Variants in CCDC88A observed in about 807,000 individuals in gnomAD.
CCDC88A encodes the protein girdin.
Under a neutral mutation model 234.3 loss-of-function variants are expected in CCDC88A, and 54 were observed. The ratio of observed to expected loss-of-function variants is 0.23; its 90% CI spans 0.19 to 0.29. The LOEUF (loss-of-function observed/expected upper bound fraction) is 0.29, where lower values mean the gene tolerates loss of function less well. Ranked by LOEUF, CCDC88A falls within the 10% of genes least tolerant of loss-of-function variation. The probability of loss-of-function intolerance (pLI) is 1.00; values close to 1 mark genes in which losing one functional copy is unlikely to be tolerated. For missense variants in CCDC88A, 1,832 were observed against 2,123.4 expected, an observed-to-expected ratio of 0.86 and a Z score of 2.70; for synonymous variants, 753 against 737.8, an observed-to-expected ratio of 1.02 and a Z score of -0.33.
At chr2:55,402,261 G>T (rs1479806169) in intron 2 of CCDC88A, among the ~76,000 whole-genome samples, 3 of 152,040 alleles carry the variant, frequency 2.0e-5, no homozygotes, top group Non-Finnish European at 4.4e-5. Context: ...CATTTTAGTG[G>T]GAAATAACAT....
intron 2 of CCDC88A, among the ~76,000 whole-genome samples, chr2:55,411,608 G>A (rs919465987): frequency 1.3e-5 from 2 of 151,202 alleles, no homozygotes; most frequent in Non-Finnish European, 3.0e-5. Context: ...GTGAAATCCC[G>A]TCTCTACTAA....
At chr2:55,341,759 T>G (rs1311467093) in intron 12 of CCDC88A, among the ~76,000 whole-genome samples, 4 of 152,176 alleles carry the variant, frequency 2.6e-5, no homozygotes, top group Non-Finnish European at 5.9e-5. Flanking sequence ...TCATTCTTTT[T>G]ATGACTGACA....
chr2:55,412,943 C>T (rs561256712), intron 2 of CCDC88A, among the ~76,000 whole-genome samples: 5 of 152,328 alleles, frequency 3.3e-5, no homozygotes, highest in African/African-American at 1.2e-4. Context: ...TGGCTCATGC[C>T]TGTAATGCCA....
At position 55,295,951 on chromosome 2, in the gene CCDC88A, T is replaced by C. The variant is rs774116559; in HGVS notation, c.5197A>G (p.Arg1733Gly). The change falls in exon 31 of 33, where the codon AGG becomes GGG. Residue 1733 changes from arginine (R) to glycine (G), a missense_variant. By Grantham distance (125) the Arg-to-Gly change is moderately radical (BLOSUM62 -2). This residue lies in a region of CCDC88A where 422 missense variants were observed against 416.5 expected (regional missense o/e 1.01). Coordinates refer to ENST00000436346, the MANE Select transcript of CCDC88A (RefSeq NM_001365480.1). ...CCTGGGGTTTTTCCACTTACTGACC[T>C]GGCCAGACCACAGCTAACTGGTTTG... ...KDKPVSCGLA[R>G]SVSGKTPGDF... 2.5e-6 allele frequency: 4 copies of C among 1,614,134 alleles called. No individual in the cohort carries two copies. The Admixed American group carries it at 6.7e-5, about 27-fold the overall frequency.
chr2:55,350,700 C>G (rs1027398897), intron 8 of CCDC88A: 3 of 151,884 alleles, frequency 2.0e-5, no homozygotes, highest in African/African-American at 7.2e-5. Context: ...CACTCTGACG[C>G]CCAAGCTGGA....
chr2:55,341,133 TTTCTTTC>T (rs1668422437), intron 12 of CCDC88A, among the ~76,000 whole-genome samples: 1 of 120,272 alleles, frequency 8.3e-6, no homozygotes, highest in Non-Finnish European at 1.7e-5. Flanking sequence ...AATGACAGAA[TTTCTTTC>T]TTTTTTTTTT....
rs558261888 is a variant in CCDC88A at position 55,319,934 on chromosome 2, C to G, written c.3163-930G>C. On this transcript the variant is annotated intron_variant, in intron 18 of 32. Transcript: ENST00000436346. Reference sequence around the variant, plus strand: ...TTAACAACTGAATCACAATAGATCACTCTTATCATATCTATATGTAAATAT... The same window carrying G: ...TTAACAACTGAATCACAATAGATCAGTCTTATCATATCTATATGTAAATAT... 3.9e-5 allele frequency among the ~76,000 whole-genome samples: 6 copies of G among 152,088 alleles called. No individual in the cohort carries two copies. In the East Asian group the frequency reaches 1.2e-3, roughly 29 times the overall value.
At chr2:55,380,170 A>G (rs1674363944) in intron 3 of CCDC88A, among the ~76,000 whole-genome samples, 1 of 151,128 alleles carries the variant, frequency 6.6e-6, no homozygotes, top group African/African-American at 2.4e-5. Flanking sequence ...TGGGAGATGG[A>G]GGTTGCAGTG....
At chr2:55,368,167 TTGAAAAAGATTCTGGAGGAACTTGAC>T (rs1459160803) in intron 5 of CCDC88A, among the ~76,000 whole-genome samples, 2 of 152,178 alleles carry the variant, frequency 1.3e-5, no homozygotes, top group African/African-American at 4.8e-5. Context: ...GGGTTGCCCA[TTGAAAAAGATTCTGGAGGAACTTGAC>T]TGAGTTGGAC....
intron 31 of CCDC88A, among the ~76,000 whole-genome samples, chr2:55,293,147 A>G (rs1679627510): frequency 6.6e-6 from 1 of 152,182 alleles, no homozygotes; most frequent in Non-Finnish European, 1.5e-5. Context: ...ATGAATTTTG[A>G]ATGAATAAAT....
At chr2:55,366,854 A>G (rs1196452274) in intron 5 of CCDC88A, among the ~76,000 whole-genome samples, 1 of 152,220 alleles carries the variant, frequency 6.6e-6, no homozygotes, top group Non-Finnish European at 1.5e-5. Flanking sequence ...CAAGGAACAC[A>G]TTATAGTGTT....
intron 2 of CCDC88A, among the ~76,000 whole-genome samples, chr2:55,397,868 TA>T (rs1051053363): frequency 1.3e-5 from 2 of 151,922 alleles, no homozygotes; most frequent in African/African-American, 2.4e-5. Flanking sequence ...GAATTTTTTG[TA>T]AAAAAAATTA....
At chr2:55,326,255 G>A (rs192831542) in intron 17 of CCDC88A, among the ~76,000 whole-genome samples, 11 of 151,794 alleles carry the variant, frequency 7.2e-5, no homozygotes, top group East Asian at 1.9e-4. Flanking sequence ...GCGCTCAAGC[G>A]AACTTGCCGA....
intron 3 of CCDC88A, among the ~76,000 whole-genome samples, chr2:55,386,112 A>T (rs943558216): frequency 1.7e-4 from 26 of 151,814 alleles, no homozygotes; most frequent in Non-Finnish European, 3.7e-4. Context: ...AATTCCAGCT[A>T]CTCAGGAGGC....
At chr2:55,325,113 G>A (rs539306741) in intron 17 of CCDC88A, among the ~76,000 whole-genome samples, 8 of 152,158 alleles carry the variant, frequency 5.3e-5, no homozygotes, top group Non-Finnish European at 1.2e-4. Flanking sequence ...TGCCTGTTGG[G>A]ATTTTAATTG....
In CCDC88A at chr2:55,347,606, C is replaced by CTTTTTTTTTTTTTTTTT. The variant is rs547733323; in HGVS notation, c.883-1290_883-1274dup. ...ATACCTATGTTATCTATTCATCTAC[C>CTTTTTTTTTTTTTTTTT]TTTTTTTTTTTTTTTTTTTTGAGAC... is the stretch of plus-strand genomic sequence containing the variant. On this transcript the variant is annotated intron_variant, in intron 9 of 32. Transcript: ENST00000436346. Among the ~76,000 whole-genome samples, 50 of 102,154 alleles carry CTTTTTTTTTTTTTTTTT rather than the reference C, an allele frequency of 4.9e-4. 6 individuals carry two copies. The highest frequency in any genetic ancestry group is 2.4e-3 in the East Asian group (5 of 2,086). The allele number at this position is 102,154 out of a possible 152,430, so 67.0% of individuals were successfully genotyped here.
chr2:55,293,331 T>C (rs1573970372), intron 31 of CCDC88A, among the ~76,000 whole-genome samples: 1 of 152,174 alleles, frequency 6.6e-6, no homozygotes, highest in East Asian at 1.9e-4. Flanking sequence ...TACTGGCCTA[T>C]GAAAAAACAA....
At chr2:55,381,007 T>A (rs896931121) in intron 3 of CCDC88A, among the ~76,000 whole-genome samples, 1 of 152,212 alleles carries the variant, frequency 6.6e-6, no homozygotes, top group Admixed American at 6.5e-5. Context: ...CAATAAACCA[T>A]ATATATGATG....
chr2:55,378,673 A>G (rs1291408656), intron 3 of CCDC88A, among the ~76,000 whole-genome samples: 4 of 152,186 alleles, frequency 2.6e-5, no homozygotes, highest in African/African-American at 4.8e-5. Flanking sequence ...TTAAAAAGCA[A>G]ATTATTCTAA....
Sources: allele counts gnomAD v4.1 joint callset (sites outside exome capture counted in the v4.1 genomes callset), GRCh38; gene constraint gnomAD v4.1.1; regional missense constraint gnomAD v4.1.1; transcripts MANE v1.5; gene names NCBI Gene and HGNC (gene_info 2026-07-23, HGNC 2026-07-21).